The following NCAM1 variants were observed in gnomAD, a reference collection of about 807,000 sequenced individuals.
The protein encoded by NCAM1 is neural cell adhesion molecule 1.
NCAM1 carries 14 observed loss-of-function variants against 109.8 expected under a neutral mutation model. The observed-to-expected ratio is 0.13, with a 90% confidence interval of 0.08 to 0.20. NCAM1 has a LOEUF of 0.20. NCAM1 is among the 10% of genes least tolerant of loss of function. NCAM1 has a pLI of 1.00. For synonymous variants in NCAM1, 418 were observed against 442.9 expected (o/e 0.94, Z 0.70); for missense variants, 774 against 1,109.9 (o/e 0.70, Z 4.30).
At chr11:113,173,865 C>CTAAA (rs1202751304) in intron 1 of NCAM1, among the ~76,000 whole-genome samples, 1 of 151,872 alleles carries the variant, frequency 6.6e-6, no homozygotes, top group Non-Finnish European at 1.5e-5. Flanking sequence ...GGTTACTGTG[C>CTAAA]TTTATGAGTA....
intron 1 of NCAM1, among the ~76,000 whole-genome samples, chr11:113,201,823 G>A (rs1259595310): frequency 6.6e-6 from 1 of 152,204 alleles, no homozygotes; most frequent in East Asian, 1.9e-4. Context: ...GGGAAGGTGA[G>A]GGTTTACCCT....
At chr11:113,206,737 T>A (rs1944251105) in intron 5 of NCAM1, among the ~76,000 whole-genome samples, 1 of 152,164 alleles carries the variant, frequency 6.6e-6, no homozygotes, top group Non-Finnish European at 1.5e-5. Context: ...TTTGCCAAAC[T>A]CTCCCCATCT....
At chr11:113,166,135 T>A (rs1255072773) in intron 1 of NCAM1, among the ~76,000 whole-genome samples, 1 of 152,044 alleles carries the variant, frequency 6.6e-6, no homozygotes, top group African/African-American at 2.4e-5. Flanking sequence ...CCGGGCAAAA[T>A]TGACTGATTT....
chr11:113,164,799 C>T (rs1555104989), intron 1 of NCAM1, among the ~76,000 whole-genome samples: 3 of 152,084 alleles, frequency 2.0e-5, no homozygotes, highest in Admixed American at 1.3e-4. Flanking sequence ...GGCTTCATCA[C>T]GTAGGCAGGA....
chr11:113,108,083 A>T (rs1262957957), intron 1 of NCAM1, among the ~76,000 whole-genome samples: 1 of 152,224 alleles, frequency 6.6e-6, no homozygotes, highest in Non-Finnish European at 1.5e-5. Context: ...AACGTTGCCC[A>T]TAAGTCCCCA....
intron 1 of NCAM1, among the ~76,000 whole-genome samples, chr11:113,056,336 C>T (rs990843145): frequency 1.8e-4 from 28 of 151,710 alleles, no homozygotes; most frequent in South Asian, 1.0e-3. Context: ...TTCGATAATA[C>T]GGTAAGGAAA....
At chr11:113,062,778 T>C (rs1937730661) in intron 1 of NCAM1, among the ~76,000 whole-genome samples, 1 of 152,036 alleles carries the variant, frequency 6.6e-6, no homozygotes, top group African/African-American at 2.4e-5. Flanking sequence ...TCGAGACCAG[T>C]CTGGGCAACA....
chr11:112,967,500 C>T (rs1555065796), intron 1 of NCAM1, among the ~76,000 whole-genome samples: 1 of 152,148 alleles, frequency 6.6e-6, no homozygotes, highest in East Asian at 1.9e-4. Flanking sequence ...TGATCTCAGA[C>T]AAATGATTTA....
At chr11:113,118,982 A>T (rs2136014893) in intron 1 of NCAM1, among the ~76,000 whole-genome samples, 1 of 152,184 alleles carries the variant, frequency 6.6e-6, no homozygotes, top group Admixed American at 6.5e-5. Flanking sequence ...AAATATTTAA[A>T]TTACCTTCAA....
intron 1 of NCAM1, among the ~76,000 whole-genome samples, chr11:112,993,368 C>T (rs377100257): frequency 2.6e-5 from 4 of 152,268 alleles, no homozygotes; most frequent in African/African-American, 7.2e-5. Flanking sequence ...TGAGAACTCA[C>T]TATCATGAAG....
intron 1 of NCAM1, among the ~76,000 whole-genome samples, chr11:113,022,801 C>G (rs1952430712): frequency 6.6e-6 from 1 of 152,158 alleles, no homozygotes; most frequent in Non-Finnish European, 1.5e-5. Flanking sequence ...TTTCCACTCT[C>G]AATCTTTATT....
intron 9 of NCAM1, among the ~76,000 whole-genome samples, chr11:113,230,833 G>A (rs1304048236): frequency 3.3e-5 from 5 of 152,180 alleles, no homozygotes; most frequent in Admixed American, 2.6e-4. Context: ...AGAATGTCAA[G>A]GGGAAATCCC....
chr11:113,034,225 C>T lies in NCAM1; in HGVS notation c.52+72561C>T, dbSNP rs555278509. ...TGCGCAGGCAGGTGGCACATTAGTA[C>T]CTGGGCAAAGAAACTCTTCCCCTGG... On this transcript the variant is annotated intron_variant, in intron 1 of 19. Transcript: ENST00000316851. Among the ~76,000 whole-genome samples the T allele has an allele frequency of 2.6e-5, 4 of 152,220 alleles. No individual in the cohort carries two copies. In the South Asian group the frequency reaches 8.3e-4, roughly 32 times the overall value.
At chr11:113,250,208 G>A (rs541648278) in intron 15 of NCAM1, among the ~76,000 whole-genome samples, 10 of 152,274 alleles carry the variant, frequency 6.6e-5, no homozygotes, top group Admixed American at 2.0e-4. Flanking sequence ...GCTGTTCTTC[G>A]GGACTGTCCG....
intron 1 of NCAM1, among the ~76,000 whole-genome samples, chr11:112,966,855 G>A (rs1312822098): frequency 3.3e-5 from 5 of 152,162 alleles, no homozygotes; most frequent in African/African-American, 1.2e-4. Flanking sequence ...TTTTCAGTTG[G>A]GTAGACACAC....
chr11:113,235,756 GA>G (rs1234270664), intron 14 of NCAM1, among the ~76,000 whole-genome samples: 1 of 152,196 alleles, frequency 6.6e-6, no homozygotes, highest in East Asian at 1.9e-4. Flanking sequence ...TCTTTCAAGA[GA>G]ATTGCTTCCC....
intron 1 of NCAM1, among the ~76,000 whole-genome samples, chr11:113,147,626 G>A (rs1001293066): frequency 1.1e-4 from 16 of 152,344 alleles, no homozygotes; most frequent in African/African-American, 3.6e-4. Context: ...GCCATCTCCC[G>A]TAGTTTCTGA....
At position 113,273,316 on chromosome 11, in the gene NCAM1, A is replaced by G. The variant is rs1292541090; in HGVS notation, c.2456+1440A>G. On this transcript the variant is annotated intron_variant, in intron 19 of 19. Coordinates refer to ENST00000316851, the MANE Select transcript of NCAM1 (RefSeq NM_181351.5). The surrounding 1 kb of genome is among the most constrained non-coding windows in gnomAD (Gnocchi z 6.0). ...CCAAGCGCCCCTGCTGGTGTCGGGG[A>G]GGCCTCTAAGGCTCCTCCGGCCAGC... 5.8e-6 allele frequency: 2 copies of G among 342,262 alleles called. No homozygotes were observed. Among genetic ancestry groups the G allele is most frequent in the Non-Finnish European group, 1.2e-5 (2 of 172,428 alleles). The allele number at this position is 342,262 out of a possible 1,614,324, so 21.2% of individuals were successfully genotyped here. A position where few individuals can be genotyped will look rare whatever the true frequency, so the allele number is the denominator to read the frequency against.
chr11:113,264,723 G>A (rs1415082275), intron 17 of NCAM1: 2 of 985,164 alleles, frequency 2.0e-6, no homozygotes, highest in African/African-American at 1.8e-5. Flanking sequence ...CCTAAGTGTG[G>A]AGAGGACTGA....
Sources: allele counts gnomAD v4.1 joint callset (sites outside exome capture counted in the v4.1 genomes callset), GRCh38; gene constraint gnomAD v4.1.1; non-coding constraint Gnocchi (gnomAD v3.1); transcripts MANE v1.5; gene names NCBI Gene and HGNC (gene_info 2026-07-23, HGNC 2026-07-21).